The following CTNNA3 variants were observed in gnomAD, a reference collection of about 807,000 sequenced individuals.
CTNNA3 encodes catenin alpha 3, also known as catenin alpha-3.
Under a neutral mutation model 95.7 loss-of-function variants are expected in CTNNA3, and 76 were observed. The observed-to-expected ratio is 0.79, with a 90% CI of 0.66 to 0.96. The LOEUF (loss-of-function observed/expected upper bound fraction) is 0.96, where lower values mean the gene tolerates loss of function less well. Among genes scored for constraint, CTNNA3 ranks in the 40% least tolerant of loss-of-function variants. The pLI is 0.00. For missense variants in CTNNA3, 1,191 were observed against 1,089.8 expected (o/e 1.09, Z -1.31); for synonymous variants, 431 against 374.4 (o/e 1.15, Z -1.74).
rs950528840 is a variant in CTNNA3, at chr10:66,289,258, A to G, written c.1733-8637T>C. Among the ~76,000 whole-genome samples, 5 of 148,274 alleles carry G rather than the reference A, an allele frequency of 3.4e-5. No individual in the cohort carries two copies. The East Asian group carries it at 9.9e-4, about 29-fold the overall frequency. On this transcript the variant is annotated intron_variant, in intron 12 of 17. Coordinates refer to ENST00000433211, the MANE Select transcript of CTNNA3 (RefSeq NM_013266.4). ...TTAGCTGTATTTCCCATGGAAGCAT[A>G]AGAGCTTCCTATATGCAAGGGGTAC...
chr10:66,977,541 G>A (rs1461567147), intron 7 of CTNNA3, among the ~76,000 whole-genome samples: 1 of 152,150 alleles, frequency 6.6e-6, no homozygotes, highest in Non-Finnish European at 1.5e-5. Context: ...GCTCACAGAA[G>A]GAACAATTTT....
chr10:66,368,402 CT>C (rs931136553), intron 12 of CTNNA3, among the ~76,000 whole-genome samples: 7 of 151,868 alleles, frequency 4.6e-5, no homozygotes, highest in African/African-American at 1.5e-4. Flanking sequence ...TGCTTTCTAT[CT>C]TCTGGATCTT....
At chr10:66,102,689 G>C (rs997296886) in intron 14 of CTNNA3, among the ~76,000 whole-genome samples, 3 of 151,958 alleles carry the variant, frequency 2.0e-5, no homozygotes, top group African/African-American at 4.8e-5. Flanking sequence ...GAGTTGTGTG[G>C]TGGTGGTGGC....
rs140917049 is a variant in CTNNA3 at position 67,008,325 on chromosome 10, C to T, written c.1047+171992G>A. ...TCTATTTTATTCAATAACCATAGTGCTCATGGTTTTTAATTTTCGTTCTGA... is the reference window on the plus strand; with the variant it reads ...TCTATTTTATTCAATAACCATAGTGTTCATGGTTTTTAATTTTCGTTCTGA... On this transcript the variant is annotated intron_variant, in intron 7 of 17. Coordinates refer to ENST00000433211, the MANE Select transcript of CTNNA3 (RefSeq NM_013266.4). 9.3e-3 allele frequency among the ~76,000 whole-genome samples: 1,411 copies of T among 152,044 alleles called. 7 individuals carry two copies. The highest frequency in any genetic ancestry group is 0.031 in the Middle Eastern group (9 of 294).
At chr10:65,982,185 C>T (rs1192989444) in intron 16 of CTNNA3, among the ~76,000 whole-genome samples, 7 of 149,118 alleles carry the variant, frequency 4.7e-5, no homozygotes, top group Non-Finnish European at 1.5e-5. Flanking sequence ...GGGCTAAGGA[C>T]ATGAATAGAC....
At chr10:66,778,341 T>A (rs1409485932) in intron 7 of CTNNA3, among the ~76,000 whole-genome samples, 1 of 152,044 alleles carries the variant, frequency 6.6e-6, no homozygotes, top group Non-Finnish European at 1.5e-5. Context: ...AGGCCCTCAT[T>A]CCTTCTTTTT....
At chr10:66,320,324 G>A (rs577440500) in intron 12 of CTNNA3, among the ~76,000 whole-genome samples, 2 of 151,950 alleles carry the variant, frequency 1.3e-5, no homozygotes, top group Non-Finnish European at 2.9e-5. Flanking sequence ...TGCCTACTTG[G>A]TTCTAATTTT....
chr10:67,575,485 A>T (rs950492957), intron 3 of CTNNA3, among the ~76,000 whole-genome samples: 3 of 152,180 alleles, frequency 2.0e-5, no homozygotes, highest in African/African-American at 4.8e-5. Context: ...ATGTTGTGAA[A>T]AAAAGCCCTC....
At chr10:67,231,712 C>T (rs1460049978) in intron 5 of CTNNA3, among the ~76,000 whole-genome samples, 6 of 151,932 alleles carry the variant, frequency 3.9e-5, no homozygotes, top group Admixed American at 2.6e-4. Flanking sequence ...CAACTTACTC[C>T]GAGCTACAGG....
intron 5 of CTNNA3, among the ~76,000 whole-genome samples, chr10:67,284,109 G>C (rs868835791): frequency 6.6e-6 from 1 of 151,524 alleles, no homozygotes; most frequent in Non-Finnish European, 1.5e-5. Flanking sequence ...ATCCTAGAGA[G>C]AGGGAGATGG....
At chr10:66,189,532 C>T (rs192880595) in intron 13 of CTNNA3, among the ~76,000 whole-genome samples, 30 of 150,170 alleles carry the variant, frequency 2.0e-4, no homozygotes, top group Admixed American at 1.6e-3. Context: ...TCTGGGCTTT[C>T]TATTATGTTC....
intron 7 of CTNNA3, among the ~76,000 whole-genome samples, chr10:67,120,622 T>A (rs562600161): frequency 6.6e-6 from 1 of 152,136 alleles, no homozygotes; most frequent in South Asian, 2.1e-4. Flanking sequence ...AGACTCAATA[T>A]TTCAGGGCAC....
rs117709104 is a variant in CTNNA3 at position 66,956,046 on chromosome 10, G to A, written c.1048-180522C>T. On this transcript the variant is annotated intron_variant, in intron 7 of 17. Coordinates refer to ENST00000433211, the MANE Select transcript of CTNNA3 (RefSeq NM_013266.4). ...CTGCAGAAGCTGACAAAAATATTAA[G>A]ACCCTAGAGCTATGGCATTTGGTTT... Among the ~76,000 whole-genome samples, 427 of 152,214 alleles carry A rather than the reference G, an allele frequency of 2.8e-3. 2 individuals are homozygous for A. The highest frequency in any genetic ancestry group is 4.3e-3 in the Non-Finnish European group (295 of 68,002).
chr10:66,955,074 T>G (rs1848718603), intron 7 of CTNNA3, among the ~76,000 whole-genome samples: 1 of 152,178 alleles, frequency 6.6e-6, no homozygotes, highest in African/African-American at 2.4e-5. Flanking sequence ...ATATAATACA[T>G]GGTAAACAAC....
At chr10:66,083,515 C>T (rs2080851115) in intron 14 of CTNNA3, among the ~76,000 whole-genome samples, 1 of 152,148 alleles carries the variant, frequency 6.6e-6, no homozygotes, top group South Asian at 2.1e-4. Flanking sequence ...AATAAAATTT[C>T]TCTTAACTAT....
chr10:66,933,471 A>T (rs992444716), intron 7 of CTNNA3, among the ~76,000 whole-genome samples: 1 of 152,212 alleles, frequency 6.6e-6, no homozygotes, highest in African/African-American at 2.4e-5. Context: ...CATTGTGTTC[A>T]ATCCTTGTTG....
intron 17 of CTNNA3, among the ~76,000 whole-genome samples, chr10:65,965,393 CTTTT>C (rs561552884): frequency 1.3e-5 from 1 of 77,652 alleles, no homozygotes; most frequent in African/African-American, 5.3e-5. Flanking sequence ...CTCCCCTCTA[CTTTT>C]TTTTTTTTTT....
At chr10:66,942,589 T>C (rs1848060252) in intron 7 of CTNNA3, among the ~76,000 whole-genome samples, 1 of 151,298 alleles carries the variant, frequency 6.6e-6, no homozygotes, top group Non-Finnish European at 1.5e-5. Context: ...TGTGTGTGTA[T>C]GTGTGTGTGT....
chr10:66,681,735 C>T (rs1309198556), intron 9 of CTNNA3, among the ~76,000 whole-genome samples: 1 of 152,128 alleles, frequency 6.6e-6, no homozygotes, highest in Non-Finnish European at 1.5e-5. Context: ...GGAAGAGGAA[C>T]CTCAGGGGTT....
Sources: allele counts gnomAD v4.1 joint callset (sites outside exome capture counted in the v4.1 genomes callset), GRCh38; gene constraint gnomAD v4.1.1; transcripts MANE v1.5; gene names NCBI Gene and HGNC (gene_info 2026-07-23, HGNC 2026-07-21).